TCP11: variants seen among roughly 807,000 people sequenced by gnomAD.
TCP11 encodes the protein T-complex protein 11 homolog.
In TCP11, 34 loss-of-function variants were observed where a neutral mutation model predicts 45.0. The observed-to-expected ratio is 0.76, with a 90% CI of 0.57 to 1.01. TCP11 has a LOEUF of 1.01. Among genes scored for constraint, TCP11 ranks in the 50% least tolerant of loss-of-function variants. The pLI is 0.00. For synonymous variants in TCP11, 227 were observed against 227.0 expected (o/e 1.00, Z 0.00); for missense variants, 523 against 598.1 (o/e 0.87, Z 1.31).
chr6:35,124,168 T>G (rs537854593), intron 4 of TCP11, among the ~76,000 whole-genome samples: 4 of 152,308 alleles, frequency 2.6e-5, no homozygotes, highest in Admixed American at 2.0e-4. Flanking sequence ...TGATTTTGAT[T>G]TATTTAGAAT....
chr6:35,124,140 C>A (rs938089096), intron 4 of TCP11, among the ~76,000 whole-genome samples: 2 of 152,114 alleles, frequency 1.3e-5, no homozygotes, highest in African/African-American at 2.4e-5. Flanking sequence ...GTGTTTGCTA[C>A]TTTGACATTC....
At chr6:35,128,800 A>C in intron 4 of TCP11, 1 of 369,882 alleles carries the variant, frequency 2.7e-6, no homozygotes, top group Non-Finnish European at 4.9e-6. Flanking sequence ...CCCTAAGGGT[A>C]TGATAGATGC....
intron 3 of TCP11, among the ~76,000 whole-genome samples, chr6:35,132,794 AT>A (rs1326116811): frequency 2.0e-5 from 3 of 151,992 alleles, no homozygotes; most frequent in Non-Finnish European, 4.4e-5. Flanking sequence ...CTATCCCTCC[AT>A]ACGCCTGCAA....
intron 2 of TCP11, chr6:35,137,805 G>A (rs1409663594): frequency 8.8e-6 from 4 of 455,832 alleles, no homozygotes; most frequent in Admixed American, 7.1e-5. Context: ...AAGATGTGGA[G>A]GAGATGTAGA....
intron 1 of TCP11, 83 bp from the exon 2 acceptor site, chr6:35,140,967 AG>A: frequency 3.7e-6 from 4 of 1,067,002 alleles, no homozygotes; most frequent in Admixed American, 3.5e-5. Context: ...GGCGGCGGGA[AG>A]GGGGGTAGCG....
chr6:35,140,604 G>A (rs1049041254), intron 2 of TCP11, 143 bp downstream of exon 2: 2 of 696,706 alleles, frequency 2.9e-6, no homozygotes, highest in Non-Finnish European at 5.2e-6. Context: ...GGGCCTGTAA[G>A]TAAAGGCGGG....
chr6:35,122,398 G>T, intron 4 of TCP11, 61 bp from the exon 5 acceptor site: 1 of 1,490,084 alleles, frequency 6.7e-7, no homozygotes, highest in African/African-American at 1.4e-5. Flanking sequence ...TTATCCAATG[G>T]GCAATCCCTT....
At chr6:35,138,614 C>T (rs1781376279) in intron 2 of TCP11, among the ~76,000 whole-genome samples, 1 of 150,810 alleles carries the variant, frequency 6.6e-6, no homozygotes. Flanking sequence ...TGGGGGGTTG[C>T]AGGGAAGCAC....
intron 2 of TCP11, chr6:35,137,822 A>C (rs1018887066): frequency 2.0e-5 from 9 of 455,772 alleles, no homozygotes; most frequent in Non-Finnish European, 3.1e-5. Flanking sequence ...TAGATGAACA[A>C]AGATTGGCCA....
chr6:35,140,691 A>T, intron 2 of TCP11, 56 bp downstream of exon 2: 1 of 1,032,336 alleles, frequency 9.7e-7, no homozygotes, highest in Non-Finnish European at 1.4e-6. Context: ...GGGCCTGCGG[A>T]CCCCCCACAC....
intron 3 of TCP11, among the ~76,000 whole-genome samples, chr6:35,134,057 T>C (rs1180744385): frequency 6.6e-6 from 1 of 152,092 alleles, no homozygotes; most frequent in Admixed American, 6.5e-5. Context: ...TATCTGTGCC[T>C]GTTTAGTATG....
In TCP11 at chr6:35,119,376, T is replaced by C. The variant is rs766896459; in HGVS notation, c.1131A>G (p.Ile377Met). The C allele has an allele frequency of 1.9e-6, 3 of 1,614,176 alleles. No individual in the cohort carries two copies. The highest frequency in any genetic ancestry group is 2.5e-6 in the Non-Finnish European group (3 of 1,180,016). ...EDFHSRPEEA[I>M]LTVSEQVSQE... ...GAGATACCTGTTCACTCACAGTCAG[T>C]ATAGCTTCCTCAGGCCTAGACCATG... Residue 377 changes from isoleucine to methionine, a missense_variant, in exon 9 of 10, where the codon ATA (isoleucine) becomes ATG (methionine). This residue lies in a region of TCP11 where 298 missense variants were observed against 387.9 expected (regional missense o/e 0.77). Transcript: ENST00000311875.
At chr6:35,137,826 T>C (rs1233377038) in intron 2 of TCP11, 1 of 455,780 alleles carries the variant, frequency 2.2e-6, no homozygotes, top group East Asian at 7.0e-5. Context: ...TGAACAAAGA[T>C]TGGCCACGAG....
chr6:35,130,845 G>C (rs1357314748), intron 3 of TCP11, among the ~76,000 whole-genome samples: 1 of 152,152 alleles, frequency 6.6e-6, no homozygotes, highest in East Asian at 1.9e-4. Context: ...ATATGATCTG[G>C]CTATCACGCT....
chr6:35,131,017 TA>T (rs749308068), intron 3 of TCP11, among the ~76,000 whole-genome samples: 2 of 152,130 alleles, frequency 1.3e-5, no homozygotes, highest in Non-Finnish European at 2.9e-5. Flanking sequence ...TATTCAATGA[TA>T]AAAAAATGAT....
At chr6:35,136,330 C>A in intron 2 of TCP11, 112 bp from the exon 3 acceptor site, 6 of 681,532 alleles carry the variant, frequency 8.8e-6, no homozygotes, top group South Asian at 4.1e-5. Context: ...CTTACACAGA[C>A]TCACCCAACT....
In TCP11 at chr6:35,139,965, T is replaced by C. The variant is rs915092483; in HGVS notation, c.124+782A>G. The C allele has an allele frequency of 1.2e-5, 19 of 1,573,670 alleles. No individual in the cohort carries two copies. In the African/African-American group the frequency reaches 2.2e-4, roughly 18 times the overall value. ...TGTTTTATATATGGACTCATTTAAA[T>C]AGACACCTCAAAAACTTAAATTGTG... is the stretch of plus-strand genomic sequence containing the variant. On this transcript the variant is annotated intron_variant, in intron 2 of 9. Transcript: ENST00000311875.
In TCP11 at chr6:35,125,327, A is replaced by G. The variant is rs142507042; in HGVS notation, c.358-2990T>C. On this transcript the variant is annotated intron_variant, in intron 4 of 9. Transcript: ENST00000311875. ...TTTGACACCAAAAGCATAAAATTCAATAAAAGACAATCCAATTTAAAAATG... is the reference window on the plus strand; with the variant it reads ...TTTGACACCAAAAGCATAAAATTCAGTAAAAGACAATCCAATTTAAAAATG... 6.6e-5 allele frequency among the ~76,000 whole-genome samples: 10 copies of G among 152,358 alleles called. No individual in the cohort carries two copies. In the East Asian group the frequency reaches 1.3e-3, roughly 21 times the overall value.
At chr6:35,138,445 A>G (rs1331533868) in intron 2 of TCP11, among the ~76,000 whole-genome samples, 1 of 152,238 alleles carries the variant, frequency 6.6e-6, no homozygotes, top group Non-Finnish European at 1.5e-5. Context: ...ATGGAACAGG[A>G]GGTCATTATG....
Sources: gnomAD v4.1 joint callset for allele counts (sites outside exome capture counted in the v4.1 genomes callset) on GRCh38, gnomAD v4.1.1 for gene constraint, gnomAD v4.1.1 regional missense constraint, MANE v1.5 for transcripts, NCBI Gene and HGNC (gene_info 2026-07-23, HGNC 2026-07-21) for gene names.